COL13A1: variants seen among roughly 807,000 people sequenced by gnomAD.
COL13A1 encodes the protein collagen alpha-1(XIII) chain.
A neutral mutation model predicts 130.9 loss-of-function variants in COL13A1; 89 were observed. The observed-to-expected ratio is 0.68, with a 90% CI of 0.57 to 0.81. COL13A1 has a LOEUF of 0.81. Among genes scored for constraint, COL13A1 ranks in the 30% least tolerant of loss-of-function variants. The pLI is 0.00. For synonymous variants in COL13A1, 402 were observed against 341.6 expected, an observed-to-expected ratio of 1.18 and a Z score of -1.95; for missense variants, 879 against 934.6, an observed-to-expected ratio of 0.94 and a Z score of 0.78.
intron 38 of COL13A1, among the ~76,000 whole-genome samples, chr10:69,949,929 T>G (rs2069141069): frequency 7.1e-6 from 1 of 140,706 alleles, no homozygotes. Context: ...TGCACGCATG[T>G]TTGTGTGTGT....
At chr10:69,916,105 A>G (rs1164332122) in intron 17 of COL13A1, among the ~76,000 whole-genome samples, 2 of 152,204 alleles carry the variant, frequency 1.3e-5, no homozygotes, top group Non-Finnish European at 2.9e-5. Context: ...AGCCTTGGTA[A>G]GGAGAAGGAT....
At chr10:69,809,307 G>A (rs1842372989) in intron 1 of COL13A1, among the ~76,000 whole-genome samples, 3 of 152,102 alleles carry the variant, frequency 2.0e-5, no homozygotes, top group African/African-American at 7.2e-5. Context: ...GGTAATATGG[G>A]GCTTCATGCA....
chr10:69,808,838 C>G, intron 1 of COL13A1, among the ~76,000 whole-genome samples: 1 of 152,346 alleles, frequency 6.6e-6, no homozygotes, highest in Non-Finnish European at 1.5e-5. Context: ...CTCGCAGCGT[C>G]CCCGGCCCTG....
intron 2 of COL13A1, chr10:69,860,802 G>T: frequency 4.8e-6 from 1 of 209,458 alleles, no homozygotes. Flanking sequence ...GAGCTGCAGG[G>T]ATGGTAAGGG....
At chr10:69,803,812 C>T (rs1461221345) in intron 1 of COL13A1, among the ~76,000 whole-genome samples, 1 of 151,968 alleles carries the variant, frequency 6.6e-6, no homozygotes, top group Non-Finnish European at 1.5e-5. Context: ...TCTGAACATG[C>T]GAAACAGTGC....
At chr10:69,917,355 C>G (rs1346319056) in intron 18 of COL13A1, 22 bp downstream of exon 18, 2 of 1,606,106 alleles carry the variant, frequency 1.2e-6, no homozygotes, top group African/African-American at 2.7e-5. Flanking sequence ...TTCCCCACAT[C>G]CCAGGCAGCC....
chr10:69,905,835 G>A lies in COL13A1; in HGVS notation c.921+13G>A, dbSNP rs373526356. 1.1e-4 allele frequency: 183 copies of A among 1,613,430 alleles called. No individual in the cohort carries two copies. Among genetic ancestry groups the A allele is most frequent in the Non-Finnish European group, 1.4e-4 (168 of 1,179,768 alleles). ...CCACGGCCGGAAGGTAAGATGGAGGGGGAGGACCCAAGTGGGGCAGGACTT... is the reference window on the plus strand; with the variant it reads ...CCACGGCCGGAAGGTAAGATGGAGGAGGAGGACCCAAGTGGGGCAGGACTT... On this transcript the variant is annotated intron_variant, in intron 17 of 40. Coordinates refer to ENST00000645393, the MANE Select transcript of COL13A1 (RefSeq NM_001368882.1).
intron 7 of COL13A1, among the ~76,000 whole-genome samples, chr10:69,884,048 TAAC>T (rs2060384555): frequency 6.6e-6 from 1 of 152,182 alleles, no homozygotes; most frequent in African/African-American, 2.4e-5. Flanking sequence ...CTGACTTGAG[TAAC>T]ACAGTACTCT....
At chr10:69,929,022 G>T in intron 28 of COL13A1, 23 bp downstream of exon 28, 2 of 1,604,624 alleles carry the variant, frequency 1.2e-6, no homozygotes, top group Non-Finnish European at 1.7e-6. Flanking sequence ...TTGACAAAGG[G>T]GGTGAAGACT....
chr10:69,833,404 G>A (rs1849271501), intron 2 of COL13A1, among the ~76,000 whole-genome samples: 2 of 152,234 alleles, frequency 1.3e-5, no homozygotes, highest in Non-Finnish European at 2.9e-5. Flanking sequence ...AGGGCTCCAG[G>A]ATGAACATGA....
chr10:69,818,314 G>A (rs1033302872), intron 1 of COL13A1, among the ~76,000 whole-genome samples: 6 of 152,136 alleles, frequency 3.9e-5, no homozygotes, highest in Non-Finnish European at 7.4e-5. Flanking sequence ...CAGCCCAAGC[G>A]GTCTCACTGG....
intron 32 of COL13A1, among the ~76,000 whole-genome samples, chr10:69,936,121 GAA>G: frequency 1.1e-5 from 1 of 92,650 alleles, no homozygotes; most frequent in Non-Finnish European, 2.1e-5. Flanking sequence ...AGGAAGGAAG[GAA>G]GGAAAGAAGG....
intron 39 of COL13A1, chr10:69,955,343 A>G (rs1232774683): frequency 6.6e-6 from 1 of 152,502 alleles, no homozygotes; most frequent in Non-Finnish European, 1.5e-5. Context: ...CTCAACCAGG[A>G]CTTCCACCAT....
chr10:69,944,952 C>T (rs1238395046), intron 36 of COL13A1, among the ~76,000 whole-genome samples: 4 of 152,226 alleles, frequency 2.6e-5, no homozygotes, highest in Admixed American at 6.5e-5. Context: ...CTCCCACGGT[C>T]GCTGTCGATG....
At chr10:69,939,637 A>G (rs4746936) in intron 34 of COL13A1, among the ~76,000 whole-genome samples, 27,674 of 152,212 alleles carry the variant, frequency 0.18, 3,138 homozygotes, top group East Asian at 0.36. Context: ...GCAATTCTCA[A>G]TGCTGGCTGC....
chr10:69,930,811 G>A (rs568468140), intron 30 of COL13A1, among the ~76,000 whole-genome samples: 33 of 152,328 alleles, frequency 2.2e-4, no homozygotes, highest in Middle Eastern at 3.4e-3. Context: ...CAGAGTCTCC[G>A]TCTCCTCATC....
At chr10:69,807,006 CA>C (rs1395529949) in intron 1 of COL13A1, among the ~76,000 whole-genome samples, 1 of 152,052 alleles carries the variant, frequency 6.6e-6, no homozygotes, top group Non-Finnish European at 1.5e-5. Context: ...GACTCCGTCT[CA>C]AAAAATAAAA....
chr10:69,859,861 A>C (rs567350491), intron 2 of COL13A1, among the ~76,000 whole-genome samples: 1 of 152,384 alleles, frequency 6.6e-6, no homozygotes, highest in African/African-American at 2.4e-5. Flanking sequence ...CCTCACTCAG[A>C]AAATGGGGCT....
At position 69,882,372 on chromosome 10, in the gene COL13A1, AGCCTCTGCTCCTCCCG is replaced by A. The variant is rs139899192; in HGVS notation, c.513+1828_513+1843del. 7.3e-3 allele frequency among the ~76,000 whole-genome samples: 1,118 copies of A among 152,356 alleles called. 14 individuals carry two copies. Among genetic ancestry groups the A allele is most frequent in the East Asian group, 0.073 (378 of 5,180 alleles). On this transcript the variant is annotated intron_variant, in intron 7 of 40. Transcript: ENST00000645393. ...GCTGTAGGTGTGTTCAGGGCAGTAG[AGCCTCTGCTCCTCCCG>A]GCCTCTGCCCAGCATGGATAACCTA...
Sources: allele counts gnomAD v4.1 joint callset (sites outside exome capture counted in the v4.1 genomes callset), GRCh38; gene constraint gnomAD v4.1.1; transcripts MANE v1.5; gene names NCBI Gene and HGNC (gene_info 2026-07-23, HGNC 2026-07-21).